PHACTR3: variants seen among roughly 807,000 people sequenced by gnomAD.
The protein encoded by PHACTR3 is phosphatase and actin regulator 3.
In PHACTR3, 16 loss-of-function variants were observed where a neutral mutation model predicts 66.8. That is an observed-to-expected ratio of 0.24 (90% confidence interval 0.16 to 0.36). The LOEUF is 0.36. Ranked by LOEUF, PHACTR3 falls within the 10% of genes least tolerant of loss-of-function variation. PHACTR3 has a pLI of 1.00. For missense variants in PHACTR3, 647 were observed against 719.9 expected, an observed-to-expected ratio of 0.90 and a Z score of 1.16; for synonymous variants, 323 against 292.1, an observed-to-expected ratio of 1.11 and a Z score of -1.08.
chr20:59,640,289 G>A (rs2035057402), intron 1 of PHACTR3, among the ~76,000 whole-genome samples: 1 of 152,236 alleles, frequency 6.6e-6, no homozygotes, highest in Non-Finnish European at 1.5e-5. Context: ...CTATCCTACT[G>A]TCAAGGAACT....
chr20:59,727,638 C>A (rs1311399568), intron 1 of PHACTR3, among the ~76,000 whole-genome samples: 1 of 152,102 alleles, frequency 6.6e-6, no homozygotes, highest in Non-Finnish European at 1.5e-5. Context: ...TCCCTCTGAG[C>A]CTCACTTTTC....
chr20:59,830,444 A>G lies in PHACTR3; in HGVS notation c.1329-6061A>G, dbSNP rs1301543850. ...TGATGGAGGAATGTGTGGGCATCTGATGGAGGAAGATGTGAACATCTGATG... is the reference window on the plus strand; with the variant it reads ...TGATGGAGGAATGTGTGGGCATCTGGTGGAGGAAGATGTGAACATCTGATG... On this transcript the variant is annotated intron_variant, in intron 8 of 12. Coordinates refer to ENST00000371015, the MANE Select transcript of PHACTR3 (RefSeq NM_080672.5). This position sits in a 1 kb window ranked among gnomAD's most constrained non-coding sequence, Gnocchi z 5.8. Among the ~76,000 whole-genome samples, 10 of 152,142 alleles carry G rather than the reference A, an allele frequency of 6.6e-5. No homozygotes were observed. The East Asian group carries it at 1.2e-3, about 18-fold the overall frequency.
chr20:59,845,413 T>A lies in PHACTR3; in HGVS notation c.1664+148T>A, dbSNP rs2145537579. ...TTGAACAAATAGAATGTACCTCAAG[T>A]AAGAATGCTGCCTGCTCCCATTATT... On this transcript the variant is annotated intron_variant, in intron 12 of 12. Transcript: ENST00000371015. 5 of 571,940 alleles carry A rather than the reference T, an allele frequency of 8.7e-6. No homozygotes were observed. The East Asian group carries it at 1.2e-4, about 14-fold the overall frequency. 35.4% of individuals were successfully genotyped at this position (571,940 alleles called of 1,614,324 possible). A position where few individuals can be genotyped will look rare whatever the true frequency, so the allele number is the denominator to read the frequency against.
At chr20:59,654,238 A>G (rs2035546055) in intron 1 of PHACTR3, among the ~76,000 whole-genome samples, 4 of 152,224 alleles carry the variant, frequency 2.6e-5, no homozygotes, top group Admixed American at 2.6e-4. Flanking sequence ...ATAAGAAACA[A>G]GCTTTTATTC....
At chr20:59,749,675 A>G (rs2039507291) in intron 3 of PHACTR3, among the ~76,000 whole-genome samples, 1 of 152,198 alleles carries the variant, frequency 6.6e-6, no homozygotes, top group Non-Finnish European at 1.5e-5. Context: ...CTCTGTTGCA[A>G]CTACTTGTCT....
chr20:59,780,482 G>A (rs2040686648), intron 7 of PHACTR3, among the ~76,000 whole-genome samples: 2 of 152,136 alleles, frequency 1.3e-5, no homozygotes, highest in South Asian at 4.1e-4. Context: ...TCCTCACATG[G>A]CAGAAGGGGC....
chr20:59,634,817 C>T (rs2034791097), intron 1 of PHACTR3, among the ~76,000 whole-genome samples: 1 of 152,228 alleles, frequency 6.6e-6, no homozygotes, highest in African/African-American at 2.4e-5. Context: ...CAGATGGTTG[C>T]TGAACACTCG....
chr20:59,828,111 A>G (rs1039083080), intron 8 of PHACTR3, among the ~76,000 whole-genome samples: 2 of 152,220 alleles, frequency 1.3e-5, no homozygotes, highest in Non-Finnish European at 2.9e-5. Context: ...AAGCCTGTTT[A>G]TGATGACCTG....
chr20:59,756,430 C>T (rs1167148111), intron 4 of PHACTR3, among the ~76,000 whole-genome samples: 1 of 152,204 alleles, frequency 6.6e-6, no homozygotes, highest in Non-Finnish European at 1.5e-5. Context: ...CCTTCTGCCA[C>T]ACAAGGGTGG....
intron 12 of PHACTR3, among the ~76,000 whole-genome samples, 153 bp from the exon 13 acceptor site, chr20:59,846,962 A>G (rs375403508): frequency 3.3e-5 from 5 of 152,176 alleles, no homozygotes; most frequent in East Asian, 1.9e-4. Flanking sequence ...ACTCTACCCT[A>G]TTTTAACCAG....
At chr20:59,674,372 C>CCG (rs1568696486) in intron 1 of PHACTR3, among the ~76,000 whole-genome samples, 7 of 144,748 alleles carry the variant, frequency 4.8e-5, no homozygotes, top group South Asian at 2.3e-4. Context: ...TCCCCTTCTC[C>CCG]TGTTCCTTCC....
At chr20:59,803,619 CTA>C (rs769704207) in intron 7 of PHACTR3, among the ~76,000 whole-genome samples, 12 of 152,124 alleles carry the variant, frequency 7.9e-5, no homozygotes, top group Non-Finnish European at 1.2e-4. Flanking sequence ...TATATAGTGA[CTA>C]TCTTTTGTCA....
chr20:59,810,879 G>A (rs181110336), intron 8 of PHACTR3, among the ~76,000 whole-genome samples: 60 of 152,322 alleles, frequency 3.9e-4, no homozygotes, highest in Non-Finnish European at 6.3e-4. Flanking sequence ...GCTCCTGCAC[G>A]GTAGGTGTGC....
At chr20:59,824,144 T>C (rs555868890) in intron 8 of PHACTR3, among the ~76,000 whole-genome samples, 1 of 152,322 alleles carries the variant, frequency 6.6e-6, no homozygotes, top group East Asian at 1.9e-4. Flanking sequence ...TAAAGTCAGC[T>C]GATCACGGCC....
At chr20:59,628,527 C>T (rs577173572) in intron 1 of PHACTR3, 64 of 675,250 alleles carry the variant, frequency 9.5e-5, no homozygotes, top group African/African-American at 1.8e-4. Flanking sequence ...CATGGGGCCA[C>T]GTGCAGGCAT....
chr20:59,734,103 G>T (rs1173647329), intron 1 of PHACTR3, among the ~76,000 whole-genome samples: 2 of 151,870 alleles, frequency 1.3e-5, no homozygotes, highest in African/African-American at 4.8e-5. Flanking sequence ...TCTTGGTCAG[G>T]TCCCCACACG....
exon 1 of PHACTR3, chr20:59,577,599 G>A (rs957244465): frequency 1.4e-5 from 17 of 1,208,438 alleles, no homozygotes; most frequent in Non-Finnish European, 1.6e-5. Context: ...TGCCGCCGCC[G>A]CCCGAGATCC....
chr20:59,777,967 T>C (rs2040595042), intron 7 of PHACTR3, among the ~76,000 whole-genome samples: 1 of 152,120 alleles, frequency 6.6e-6, no homozygotes, highest in African/African-American at 2.4e-5. Context: ...TCGGTTCCCA[T>C]CTGCGCCCTG....
chr20:59,806,235 G>A, intron 8 of PHACTR3, 41 bp downstream of exon 8: 1 of 1,597,784 alleles, frequency 6.3e-7, no homozygotes, highest in Non-Finnish European at 8.5e-7. Flanking sequence ...CTGTGCTCTG[G>A]CCTTGCAGGC....
Sources: gnomAD v4.1 joint callset for allele counts (sites outside exome capture counted in the v4.1 genomes callset) on GRCh38, gnomAD v4.1.1 for gene constraint, Gnocchi (gnomAD v3.1) non-coding constraint, MANE v1.5 for transcripts, NCBI Gene and HGNC (gene_info 2026-07-23, HGNC 2026-07-21) for gene names.